TEP1: variants seen among roughly 807,000 people sequenced by gnomAD.
TEP1 encodes telomerase associated protein 1, also known as telomerase protein component 1.
Under a neutral mutation model 306.3 loss-of-function variants are expected in TEP1, and 241 were observed. The ratio of observed to expected loss-of-function variants is 0.79; its 90% CI spans 0.71 to 0.88. TEP1 has a LOEUF of 0.88. TEP1 is among the 40% of genes least tolerant of loss of function. The pLI is 0.00. For missense variants in TEP1, 3,051 were observed against 3,276.1 expected (o/e 0.93, Z 1.68); for synonymous variants, 1,289 against 1,305.5 (o/e 0.99, Z 0.27).
Position 20,373,825 on chromosome 14 carries a change from C to G in TEP1, c.6472-15G>C. On this transcript the variant is annotated splice_polypyrimidine_tract_variant and intron_variant, in intron 44 of 54. Coordinates refer to ENST00000262715, the MANE Select transcript of TEP1 (RefSeq NM_007110.5). Reference sequence around the variant, plus strand: ...ACGTGCTCCTCCTGCCCACAGAGCACAAGATCAGAGCAGAGTCATATTGAG... The same window carrying G: ...ACGTGCTCCTCCTGCCCACAGAGCAGAAGATCAGAGCAGAGTCATATTGAG... 1 of 1,611,514 alleles carries G rather than the reference C, an allele frequency of 6.2e-7. No individual in the cohort carries two copies. The highest frequency in any genetic ancestry group is 8.5e-7 in the Non-Finnish European group (1 of 1,179,348).
chr14:20,373,607 C>T, intron 45 of TEP1, 24 bp from the exon 46 acceptor site: 1 of 1,614,150 alleles, frequency 6.2e-7, no homozygotes, highest in Non-Finnish European at 8.5e-7. Context: ...GAGACTGAGT[C>T]AGAAGAAGGG....
At position 20,379,017 on chromosome 14, in the gene TEP1, C is replaced by T. The variant is rs768000919; in HGVS notation, c.5216G>A (p.Gly1739Glu). 1.9e-6 allele frequency: 3 copies of T among 1,614,126 alleles called. No individual in the cohort carries two copies. In the African/African-American group the frequency reaches 4.0e-5, roughly 22 times the overall value. Reference sequence around the variant, plus strand: ...CTGCAGGTCCCAGAGCTCCAGGAGCCCGTCGAAGGCAGTAAGAAAGAGTGT... The same window carrying T: ...CTGCAGGTCCCAGAGCTCCAGGAGCTCGTCGAAGGCAGTAAGAAAGAGTGT... ...DDTLFLTAFDGLLELWDLQHG... is the reference protein window; with the variant it reads ...DDTLFLTAFDELLELWDLQHG... Residue 1739 changes from glycine (G) to glutamate (E), a missense_variant, in exon 36 of 55, where the codon GGG becomes GAG. Transcript: ENST00000262715.
rs142510515 is a variant in TEP1, at chr14:20,403,879, C to T, written c.1038G>A (p.Leu346=). The change falls in exon 6 of 55, where the codon CTG becomes CTA. Residue 346 remains leucine, a synonymous_variant. Transcript: ENST00000262715. ...WIQVAELYQS[L]AEGDKNKLVP... Reference sequence around the variant, plus strand: ...CCAGCTTATTCTTATCTCCCTCAGCCAGGCTCTGTCAAAGAGAGAGGAGAG... The same window carrying T: ...CCAGCTTATTCTTATCTCCCTCAGCTAGGCTCTGTCAAAGAGAGAGGAGAG... 7.6e-5 allele frequency: 122 copies of T among 1,614,126 alleles called. 1 individual carries two copies. The Admixed American group carries it at 2.0e-3, about 27-fold the overall frequency.
At chr14:20,384,346 C>A (rs1876919028) in intron 23 of TEP1, 45 bp downstream of exon 23, 1 of 1,612,668 alleles carries the variant, frequency 6.2e-7, no homozygotes, top group Admixed American at 1.7e-5. Context: ...CCCAGACCAC[C>A]CCATGTCCCT....
intron 44 of TEP1, 137 bp from the exon 45 acceptor site, chr14:20,373,947 T>A (rs1885021554): frequency 1.6e-6 from 2 of 1,215,642 alleles, no homozygotes; most frequent in African/African-American, 3.0e-5. Context: ...AACAGTGGGG[T>A]TGGGTGGCTC....
At position 20,366,663 on chromosome 14, in the gene TEP1, C is replaced by T. The variant is rs936909475; in HGVS notation, c.*1774G>A. On this transcript the variant is annotated 3_prime_UTR_variant, in exon 55 of 55. Coordinates refer to ENST00000262715, the MANE Select transcript of TEP1 (RefSeq NM_007110.5). ...GAATCAGGGTACAGTGAGAGTAAAA[C>T]TCAGTGCCCTTTAACTCCCCAAGTC... The T allele has an allele frequency of 1.3e-5, 2 of 152,148 alleles. No individual in the cohort carries two copies. The allele number at this position is 152,148 out of a possible 1,614,324, so 9.4% of individuals were successfully genotyped here. A position where few individuals can be genotyped will look rare whatever the true frequency, so the allele number is the denominator to read the frequency against.
Sources: allele counts gnomAD v4.1 joint callset, GRCh38; gene constraint gnomAD v4.1.1; transcripts MANE v1.5; gene names NCBI Gene and HGNC (gene_info 2026-07-23, HGNC 2026-07-21).